ARID5B: variants seen among roughly 807,000 people sequenced by gnomAD.
ARID5B encodes the protein AT-rich interaction domain 5B.
ARID5B carries 13 observed loss-of-function variants against 97.2 expected under a neutral mutation model. That is an observed-to-expected ratio of 0.13 (90% CI 0.09 to 0.21). The LOEUF (loss-of-function observed/expected upper bound fraction) is 0.21, where lower values mean the gene tolerates loss of function less well. Among genes scored for constraint, ARID5B ranks in the 10% least tolerant of loss-of-function variants. The pLI is 1.00. For synonymous variants in ARID5B, 556 were observed against 570.3 expected (o/e 0.97, Z 0.36); for missense variants, 1,210 against 1,465.3 (o/e 0.83, Z 2.84).
intron 3 of ARID5B, among the ~76,000 whole-genome samples, chr10:61,944,804 G>A (rs1056071149): frequency 6.6e-6 from 1 of 152,170 alleles, no homozygotes; most frequent in Non-Finnish European, 1.5e-5. Context: ...GCCACAAACT[G>A]TCTGTGGATG....
intron 2 of ARID5B, among the ~76,000 whole-genome samples, chr10:61,902,673 A>ATGTGTGTG (rs59459790): frequency 6.3e-4 from 94 of 148,438 alleles, no homozygotes; most frequent in African/African-American, 2.0e-3. Flanking sequence ...TTGTTCAAGG[A>ATGTGTGTG]TGTGTGTGTG....
At chr10:61,901,784 C>G (rs1360294141) in intron 1 of ARID5B, 54 bp downstream of exon 1, 5 of 1,532,350 alleles carry the variant, frequency 3.3e-6, no homozygotes, top group Non-Finnish European at 4.5e-6. Context: ...CACCCCCCAA[C>G]CCCCCAGCTC....
At chr10:61,942,910 A>T (rs530791723) in intron 3 of ARID5B, among the ~76,000 whole-genome samples, 44 of 152,316 alleles carry the variant, frequency 2.9e-4, no homozygotes, top group Admixed American at 9.8e-4. Flanking sequence ...AGGGAAAATG[A>T]TCAACAGGAG....
rs1230352761 is a variant in ARID5B at position 61,970,979 on chromosome 10, G to GTGTGTA, written c.503-29107_503-29106insATGTGT. ...GTATTAGTTTGCTTTTAAAGTGTGTGTGTGTGTGTGTGTATGTGTGTATAA... is the reference window on the plus strand; with the variant it reads ...GTATTAGTTTGCTTTTAAAGTGTGTGTGTGTATGTGTGTGTGTGTATGTGTGTATAA... On this transcript the variant is annotated intron_variant, in intron 3 of 9. Transcript: ENST00000279873. Among the ~76,000 whole-genome samples, 21 of 151,666 alleles carry GTGTGTA rather than the reference G, an allele frequency of 1.4e-4. 1 individual carries two copies. The highest frequency in any genetic ancestry group is 1.4e-3 in the Admixed American group (21 of 15,238).
In ARID5B at chr10:62,094,455, G is replaced by A. The variant is rs1840435848; in HGVS notation, c.*1425G>A. The A allele has an allele frequency of 1.3e-5, 3 of 230,826 alleles. No individual in the cohort carries two copies. The highest frequency in any genetic ancestry group is 3.6e-4 in the South Asian group (2 of 5,502). The allele number at this position is 230,826 out of a possible 1,614,324, so 14.3% of individuals were successfully genotyped here. ...AAGTCATCCTATTTGGTTTTATGGG[G>A]TGTGAGTTTTGTGTGTACACACACA... is the stretch of plus-strand genomic sequence containing the variant. On this transcript the variant is annotated 3_prime_UTR_variant, in exon 10 of 10. Transcript: ENST00000279873.
At chr10:61,968,102 T>G (rs1440246944) in intron 3 of ARID5B, among the ~76,000 whole-genome samples, 1 of 146,222 alleles carries the variant, frequency 6.8e-6, no homozygotes, top group East Asian at 2.0e-4. Context: ...AAGTAAGAAT[T>G]TATAGGTCTA....
chr10:62,017,143 C>T (rs1444881244), intron 4 of ARID5B, among the ~76,000 whole-genome samples: 5 of 152,190 alleles, frequency 3.3e-5, no homozygotes, highest in Non-Finnish European at 5.9e-5. Flanking sequence ...CTTATGTCTA[C>T]ATACGTTTGT....
chr10:62,063,045 G>T (rs1208504146), intron 7 of ARID5B, among the ~76,000 whole-genome samples: 3 of 152,130 alleles, frequency 2.0e-5, no homozygotes, highest in Non-Finnish European at 2.9e-5. Flanking sequence ...CATATTTGGG[G>T]CAATGTTTTG....
intron 4 of ARID5B, among the ~76,000 whole-genome samples, chr10:62,004,582 G>C (rs2132872505): frequency 6.6e-6 from 1 of 152,272 alleles, no homozygotes; most frequent in Non-Finnish European, 1.5e-5. Flanking sequence ...GGAGAATCAA[G>C]CATTCTCCAA....
intron 2 of ARID5B, among the ~76,000 whole-genome samples, chr10:61,907,787 T>A: frequency 6.6e-6 from 1 of 152,274 alleles, no homozygotes; most frequent in East Asian, 1.9e-4. Flanking sequence ...TTTATTGGAA[T>A]GTGGCCATGC....
intron 9 of ARID5B, among the ~76,000 whole-genome samples, chr10:62,089,528 C>CTTT (rs34423923): frequency 3.0e-5 from 3 of 101,542 alleles, no homozygotes; most frequent in Non-Finnish European, 6.0e-5. Context: ...CCTTCTTTTT[C>CTTT]TTTTTTTTTT....
Position 62,093,327 on chromosome 10 carries a change from A to G in ARID5B, c.*297A>G, listed in dbSNP as rs905318711. ...AAGGGATTTGTGAATATCCAGGAAG[A>G]ACTTAGAGGACCCCATCTGAGTTCG... is the stretch of plus-strand genomic sequence containing the variant. On this transcript the variant is annotated 3_prime_UTR_variant, in exon 10 of 10. Transcript: ENST00000279873. 2 of 321,734 alleles carry G rather than the reference A, an allele frequency of 6.2e-6. No individual in the cohort carries two copies. Among genetic ancestry groups the G allele is most frequent in the African/African-American group, 4.2e-5 (2 of 47,482 alleles). 19.9% of individuals were successfully genotyped at this position (321,734 alleles called of 1,614,324 possible).
At chr10:62,055,331 T>C (rs1371966233) in intron 5 of ARID5B, among the ~76,000 whole-genome samples, 1 of 152,202 alleles carries the variant, frequency 6.6e-6, no homozygotes, top group Non-Finnish European at 1.5e-5. Context: ...TTGTACATGC[T>C]GCTCATCCTG....
intron 2 of ARID5B, among the ~76,000 whole-genome samples, chr10:61,921,369 A>G (rs1341411110): frequency 1.3e-5 from 2 of 152,200 alleles, no homozygotes; most frequent in African/African-American, 4.8e-5. Flanking sequence ...GGATCTATTA[A>G]TACTTCAGAC....
intron 4 of ARID5B, among the ~76,000 whole-genome samples, chr10:62,033,630 G>A (rs1056999859): frequency 4.6e-5 from 7 of 152,186 alleles, no homozygotes; most frequent in African/African-American, 1.4e-4. Context: ...CCAGCAAACT[G>A]CTGGTCTCTT....
At position 61,938,964 on chromosome 10, in the gene ARID5B, A is replaced by AGTGTGTGTGTGTGT. The variant is rs60329829; in HGVS notation, c.277-1192_277-1179dup. ...AACCTTTTTTTGTTCGAATTGGAGA[A>AGTGTGTGTGTGTGT]GTGTGTGTGTGTGTGTGTGTGTGTG... On this transcript the variant is annotated intron_variant, in intron 2 of 9. Coordinates refer to ENST00000279873, the MANE Select transcript of ARID5B (RefSeq NM_032199.3). Among the ~76,000 whole-genome samples the AGTGTGTGTGTGTGT allele has an allele frequency of 3.1e-3, 386 of 125,182 alleles. 4 individuals carry two copies. The highest frequency in any genetic ancestry group is 5.4e-3 in the Non-Finnish European group (326 of 60,532). 82.1% of individuals were successfully genotyped at this position (125,182 alleles called of 152,430 possible).
At chr10:62,030,516 G>A (rs997672329) in intron 4 of ARID5B, among the ~76,000 whole-genome samples, 1 of 152,226 alleles carries the variant, frequency 6.6e-6, no homozygotes, top group Non-Finnish European at 1.5e-5. Context: ...CTAAGAGTGA[G>A]GATTTGTCAT....
intron 5 of ARID5B, among the ~76,000 whole-genome samples, chr10:62,056,857 G>T (rs1269935905): frequency 6.6e-6 from 1 of 152,140 alleles, no homozygotes; most frequent in Non-Finnish European, 1.5e-5. Flanking sequence ...TCCTACTAGT[G>T]TTGAATAGTT....
intron 3 of ARID5B, among the ~76,000 whole-genome samples, chr10:61,959,829 G>C (rs1159189854): frequency 6.6e-6 from 1 of 152,126 alleles, no homozygotes; most frequent in Non-Finnish European, 1.5e-5. Context: ...TAGTCTAGTG[G>C]GGCTATAACT....
Sources: allele counts gnomAD v4.1 joint callset (sites outside exome capture counted in the v4.1 genomes callset), GRCh38; gene constraint gnomAD v4.1.1; transcripts MANE v1.5; gene names NCBI Gene and HGNC (gene_info 2026-07-23, HGNC 2026-07-21).